Variants in KCNIP4 observed in about 807,000 individuals in gnomAD.
KCNIP4 encodes the protein potassium voltage-gated channel interacting protein 4.
Under a neutral mutation model 34.0 loss-of-function variants are expected in KCNIP4, and 12 were observed. That is an observed-to-expected ratio of 0.35 (90% CI 0.23 to 0.57). The LOEUF (loss-of-function observed/expected upper bound fraction) is 0.57, where lower values mean the gene tolerates loss of function less well. KCNIP4 is among the 20% of genes least tolerant of loss of function. The pLI, the probability that KCNIP4 is intolerant of heterozygous loss-of-function variation, is 0.83. For missense variants in KCNIP4, 238 were observed against 311.7 expected (o/e 0.76, Z 1.78); for synonymous variants, 124 against 102.2 (o/e 1.21, Z -1.29).
At chr4:21,692,601 A>T (rs914062434) in intron 1 of KCNIP4, among the ~76,000 whole-genome samples, 1 of 152,216 alleles carries the variant, frequency 6.6e-6, no homozygotes, top group Non-Finnish European at 1.5e-5. Flanking sequence ...AAAACAGTGT[A>T]ACATGGTGGT....
intron 1 of KCNIP4, among the ~76,000 whole-genome samples, chr4:21,100,994 G>A (rs897066846): frequency 6.6e-6 from 1 of 152,064 alleles, no homozygotes; most frequent in South Asian, 2.1e-4. Flanking sequence ...TATTGAGGGG[G>A]TACAAGATTT....
At chr4:21,863,385 G>A (rs1725216327) in intron 1 of KCNIP4, among the ~76,000 whole-genome samples, 1 of 151,976 alleles carries the variant, frequency 6.6e-6, no homozygotes, top group Admixed American at 6.6e-5. Context: ...TTCCTGGCCT[G>A]TGGGAGTGAG....
chr4:20,734,961 A>G (rs1474732990), intron 5 of KCNIP4, among the ~76,000 whole-genome samples: 3 of 152,196 alleles, frequency 2.0e-5, no homozygotes, highest in Non-Finnish European at 2.9e-5. Context: ...ATCAATGGTC[A>G]TACTGGAAAT....
intron 1 of KCNIP4, among the ~76,000 whole-genome samples, chr4:21,667,941 A>T (rs1393113016): frequency 6.6e-6 from 1 of 152,230 alleles, no homozygotes; most frequent in Non-Finnish European, 1.5e-5. Flanking sequence ...TTAACTTGAT[A>T]GATAGATCAC....
At chr4:20,814,800 T>C (rs932987301) in intron 3 of KCNIP4, among the ~76,000 whole-genome samples, 4 of 152,192 alleles carry the variant, frequency 2.6e-5, no homozygotes, top group Admixed American at 2.0e-4. Flanking sequence ...AGAAGAATTA[T>C]AGGACGACCT....
rs11929997 is a variant in KCNIP4 at position 20,864,193 on chromosome 4, T to C, written c.164-13526A>G. On this transcript the variant is annotated intron_variant, in intron 2 of 8. Coordinates refer to ENST00000382152, the MANE Select transcript of KCNIP4 (RefSeq NM_025221.6). ...GTATACACATGTATGTATGCGTACA[T>C]ATGTATGTACACACATGCATGTATA... 4.5e-3 allele frequency among the ~76,000 whole-genome samples: 298 copies of C among 66,868 alleles called. 2 individuals carry two copies. The highest frequency in any genetic ancestry group is 6.0e-3 in the Non-Finnish European group (154 of 25,586). The allele number at this position is 66,868 out of a possible 152,430, so 43.9% of individuals were successfully genotyped here.
At chr4:21,320,692 C>T (rs759572939) in intron 1 of KCNIP4, among the ~76,000 whole-genome samples, 2 of 152,008 alleles carry the variant, frequency 1.3e-5, no homozygotes, top group Admixed American at 6.6e-5. Flanking sequence ...ATTCCTAGGC[C>T]GGAAGCGGTG....
chr4:20,832,167 A>C (rs904383845), intron 3 of KCNIP4, among the ~76,000 whole-genome samples: 1 of 152,148 alleles, frequency 6.6e-6, no homozygotes, highest in African/African-American at 2.4e-5. Context: ...ACAGGCACTA[A>C]ATTGCTGTTT....
intron 1 of KCNIP4, among the ~76,000 whole-genome samples, chr4:21,353,482 C>T (rs921084314): frequency 6.6e-6 from 1 of 152,066 alleles, no homozygotes; most frequent in Admixed American, 6.6e-5. Context: ...CACCATGGCC[C>T]AAGAACTTCA....
intron 1 of KCNIP4, among the ~76,000 whole-genome samples, chr4:21,590,665 T>C (rs1476709272): frequency 6.6e-6 from 1 of 152,018 alleles, no homozygotes; most frequent in African/African-American, 2.4e-5. Flanking sequence ...TAACCTTTAA[T>C]TGTATGGTGT....
intron 2 of KCNIP4, among the ~76,000 whole-genome samples, chr4:20,877,276 T>C (rs1002106609): frequency 5.9e-5 from 9 of 152,222 alleles, no homozygotes; most frequent in Admixed American, 2.6e-4. Flanking sequence ...ACCATCAACC[T>C]AGAAATCGTA....
At chr4:21,058,987 G>T (rs1252660433) in intron 1 of KCNIP4, among the ~76,000 whole-genome samples, 1 of 152,092 alleles carries the variant, frequency 6.6e-6, no homozygotes, top group Non-Finnish European at 1.5e-5. Context: ...AGTTTCATGA[G>T]ATCTGATGAT....
intron 1 of KCNIP4, among the ~76,000 whole-genome samples, chr4:21,290,347 G>GA (rs1025214767): frequency 8.0e-5 from 12 of 149,688 alleles, no homozygotes; most frequent in South Asian, 4.2e-4. Context: ...CTCCTCCTGG[G>GA]AAAAAAAAAT....
At chr4:21,034,886 C>T (rs1741319111) in intron 1 of KCNIP4, among the ~76,000 whole-genome samples, 1 of 152,196 alleles carries the variant, frequency 6.6e-6, no homozygotes, top group Non-Finnish European at 1.5e-5. Flanking sequence ...CAGAAACGTA[C>T]ATTGCTGGAC....
At chr4:21,665,413 T>C (rs1276262736) in intron 1 of KCNIP4, among the ~76,000 whole-genome samples, 1 of 151,972 alleles carries the variant, frequency 6.6e-6, no homozygotes, top group Non-Finnish European at 1.5e-5. Context: ...GTAGGTGATA[T>C]ATTGCTAAAA....
intron 1 of KCNIP4, among the ~76,000 whole-genome samples, chr4:21,346,245 T>A (rs575747491): frequency 2.9e-5 from 3 of 103,448 alleles, no homozygotes; most frequent in African/African-American, 1.1e-4. Flanking sequence ...ATAATATATA[T>A]TATATATATA....
At chr4:20,959,714 C>A (rs1202642376) in intron 1 of KCNIP4, among the ~76,000 whole-genome samples, 1 of 152,032 alleles carries the variant, frequency 6.6e-6, no homozygotes, top group Non-Finnish European at 1.5e-5. Flanking sequence ...ATCTCTCTTC[C>A]CACCTTGAAC....
chr4:20,752,066 T>TTTC (rs1553889565), intron 4 of KCNIP4, among the ~76,000 whole-genome samples: 65 of 149,960 alleles, frequency 4.3e-4, no homozygotes, highest in Admixed American at 1.0e-3. Context: ...TTTTTTTTTT[T>TTTC]TTTTTTTTTG....
chr4:20,980,963 AT>A lies in KCNIP4; in HGVS notation c.62-98255del, dbSNP rs372659709. Among the ~76,000 whole-genome samples the A allele has an allele frequency of 2.2e-4, 33 of 152,272 alleles. No homozygotes were observed. In the South Asian group the frequency reaches 2.9e-3, roughly 13 times the overall value. On this transcript the variant is annotated intron_variant, in intron 1 of 8. Coordinates refer to ENST00000382152, the MANE Select transcript of KCNIP4 (RefSeq NM_025221.6). ...AAAGAATGAAAGCTCTGATAATCTAATTTTTTATGGTGGTTTGCACTTTAGC... is the reference window on the plus strand; with the variant it reads ...AAAGAATGAAAGCTCTGATAATCTAATTTTTATGGTGGTTTGCACTTTAGC...
Sources: allele counts gnomAD v4.1 joint callset (sites outside exome capture counted in the v4.1 genomes callset), GRCh38; gene constraint gnomAD v4.1.1; transcripts MANE v1.5; gene names NCBI Gene and HGNC (gene_info 2026-07-23, HGNC 2026-07-21).